MDFIC: variants seen among roughly 807,000 people sequenced by gnomAD.
MDFIC encodes MyoD family inhibitor domain containing, also known as myoD family inhibitor domain-containing protein.
A neutral mutation model predicts 23.2 loss-of-function variants in MDFIC; 17 were observed. The ratio of observed to expected loss-of-function variants is 0.73; its 90% CI spans 0.50 to 1.10. The LOEUF is 1.10. Among genes scored for constraint, MDFIC ranks in the 50% least tolerant of loss-of-function variants. MDFIC has a pLI of 0.00. For missense variants in MDFIC, 356 were observed against 316.6 expected (o/e 1.12, Z -0.95); for synonymous variants, 120 against 115.2 (o/e 1.04, Z -0.27).
chr7:114,976,550 A>T (rs1161221665), intron 3 of MDFIC, among the ~76,000 whole-genome samples: 1 of 152,126 alleles, frequency 6.6e-6, no homozygotes, highest in Non-Finnish European at 1.5e-5. Context: ...TTAGTTATGA[A>T]AAGGGCATAT....
At chr7:114,939,238 T>A (rs1389446075) in intron 2 of MDFIC, among the ~76,000 whole-genome samples, 1 of 152,196 alleles carries the variant, frequency 6.6e-6, no homozygotes, top group Admixed American at 6.5e-5. Context: ...AAGTGGAGAA[T>A]TGGCAAAAGT....
intron 4 of MDFIC, among the ~76,000 whole-genome samples, chr7:114,982,886 T>C (rs913228102): frequency 2.0e-5 from 3 of 152,152 alleles, no homozygotes; most frequent in Non-Finnish European, 2.9e-5. Flanking sequence ...GGAGCGTGTG[T>C]TCTCACATGG....
chr7:115,012,884 C>T (rs1454868320), intron 4 of MDFIC, among the ~76,000 whole-genome samples: 4 of 152,048 alleles, frequency 2.6e-5, no homozygotes, highest in Admixed American at 6.5e-5. Context: ...GAGGCTGAGG[C>T]AGGAAAATCG....
intron 3 of MDFIC, among the ~76,000 whole-genome samples, chr7:114,966,103 G>C (rs1793090009): frequency 6.6e-6 from 1 of 152,076 alleles, no homozygotes; most frequent in Non-Finnish European, 1.5e-5. Context: ...TGTCATTGAA[G>C]ATAAGCATTG....
intron 4 of MDFIC, among the ~76,000 whole-genome samples, chr7:115,002,464 T>C (rs1466751434): frequency 1.3e-5 from 2 of 152,196 alleles, no homozygotes; most frequent in Non-Finnish European, 2.9e-5. Context: ...GAGCACTTAC[T>C]CTGTGGCAGA....
At chr7:114,951,195 A>G (rs1792761868) in intron 3 of MDFIC, among the ~76,000 whole-genome samples, 1 of 152,020 alleles carries the variant, frequency 6.6e-6, no homozygotes, top group Non-Finnish European at 1.5e-5. Flanking sequence ...AAAAAAGAAA[A>G]AGAAAAGAAA....
At position 114,922,418 on chromosome 7, in the gene MDFIC, T is replaced by C; in HGVS notation, c.-326T>C. The C allele has an allele frequency of 8.1e-7, 1 of 1,237,876 alleles. No homozygotes were observed. The highest frequency in any genetic ancestry group is 1.0e-6 in the Non-Finnish European group (1 of 988,564). 76.7% of individuals were successfully genotyped at this position (1,237,876 alleles called of 1,614,324 possible). A position where few individuals can be genotyped will look rare whatever the true frequency, so the allele number is the denominator to read the frequency against. ...AGCTGGCTGGAAAGAGGGGGCGGAG[T>C]GCGCGGAGTCAGAGCCGCCACCGCT... On this transcript the variant is annotated 5_prime_UTR_variant, in exon 1 of 5. Transcript: ENST00000393486.
At chr7:114,926,068 T>C (rs565683590) in intron 2 of MDFIC, among the ~76,000 whole-genome samples, 13 of 152,330 alleles carry the variant, frequency 8.5e-5, no homozygotes, top group African/African-American at 2.9e-4. Flanking sequence ...GTCCCTGTAA[T>C]TGCCATTTGT....
At chr7:115,008,816 G>T (rs1262233751) in intron 4 of MDFIC, among the ~76,000 whole-genome samples, 2 of 152,236 alleles carry the variant, frequency 1.3e-5, no homozygotes, top group Non-Finnish European at 2.9e-5. Context: ...CTTCTAGCTT[G>T]CTCTTTGATT....
At chr7:114,973,907 A>T (rs1793256533) in intron 3 of MDFIC, among the ~76,000 whole-genome samples, 1 of 152,196 alleles carries the variant, frequency 6.6e-6, no homozygotes, top group Non-Finnish European at 1.5e-5. Context: ...GTATTTCAGT[A>T]TGTTAAATAT....
At position 115,019,539 on chromosome 7, in the gene MDFIC, C is replaced by T. The variant is rs1381585265; in HGVS notation, c.*3604C>T. Among the ~76,000 whole-genome samples the T allele has an allele frequency of 6.6e-6, 1 of 151,974 alleles. No individual in the cohort carries two copies. The highest frequency in any genetic ancestry group is 1.5e-5 in the Non-Finnish European group (1 of 67,964). ...TTATTAACATAAATAAGTATCTTGC[C>T]TTCTTGAATGCTAGTTAAATGCTTA... On this transcript the variant is annotated 3_prime_UTR_variant, in exon 5 of 5. Transcript: ENST00000393486.
At chr7:114,997,859 G>A (rs1266942054) in intron 4 of MDFIC, among the ~76,000 whole-genome samples, 1 of 152,092 alleles carries the variant, frequency 6.6e-6, no homozygotes, top group Non-Finnish European at 1.5e-5. Flanking sequence ...GCCCATGCCT[G>A]CAGAGCACTA....
intron 4 of MDFIC, among the ~76,000 whole-genome samples, chr7:114,989,096 C>G (rs1793559582): frequency 6.6e-6 from 1 of 151,990 alleles, no homozygotes; most frequent in Non-Finnish European, 1.5e-5. Flanking sequence ...GAGGAGAGGT[C>G]ACAGTGCAAA....
intron 2 of MDFIC, among the ~76,000 whole-genome samples, chr7:114,935,773 C>T (rs537545842): frequency 2.0e-5 from 3 of 151,858 alleles, no homozygotes; most frequent in Non-Finnish European, 4.4e-5. Context: ...ATATACTTTT[C>T]GTTGTCTATA....
At chr7:114,923,344 A>G (rs1356621881) in intron 2 of MDFIC, 40 of 1,229,962 alleles carry the variant, frequency 3.3e-5, no homozygotes, top group Non-Finnish European at 4.3e-5. Context: ...TGGTCCCTCC[A>G]CTCCCCCTTC....
At chr7:115,000,539 T>G (rs1791442682) in intron 4 of MDFIC, among the ~76,000 whole-genome samples, 1 of 152,224 alleles carries the variant, frequency 6.6e-6, no homozygotes, top group Admixed American at 6.5e-5. Flanking sequence ...AAAAGTAATT[T>G]ATTTTGTAAC....
chr7:114,940,138 T>C lies in MDFIC; in HGVS notation c.95-2137T>C, dbSNP rs537806493. Among the ~76,000 whole-genome samples the C allele has an allele frequency of 6.6e-5, 10 of 152,382 alleles. 1 individual carries two copies. The East Asian group carries it at 1.9e-3, about 29-fold the overall frequency. On this transcript the variant is annotated intron_variant, in intron 2 of 4. Transcript: ENST00000393486. ...ATGATAATGCTGAGTAAATGTTACA[T>C]AAATCTAGAACATATTGGTTTAGCA...
At chr7:114,933,404 A>C (rs1407202705) in intron 2 of MDFIC, among the ~76,000 whole-genome samples, 1 of 152,054 alleles carries the variant, frequency 6.6e-6, no homozygotes, top group Non-Finnish European at 1.5e-5. Context: ...GATTACAGGC[A>C]TGGGCCACCA....
At chr7:114,926,347 A>C (rs1792189308) in intron 2 of MDFIC, among the ~76,000 whole-genome samples, 1 of 152,236 alleles carries the variant, frequency 6.6e-6, no homozygotes. Context: ...GCAAGAAATC[A>C]GGGTAGAAGC....
Sources: allele counts gnomAD v4.1 joint callset (sites outside exome capture counted in the v4.1 genomes callset), GRCh38; gene constraint gnomAD v4.1.1; transcripts MANE v1.5; gene names NCBI Gene and HGNC (gene_info 2026-07-23, HGNC 2026-07-21).